THAP4: variants seen among roughly 807,000 people sequenced by gnomAD.
THAP4 encodes THAP domain containing 4.
A neutral mutation model predicts 48.1 loss-of-function variants in THAP4; 18 were observed. The observed-to-expected ratio is 0.37, with a 90% CI of 0.26 to 0.56. The LOEUF is 0.56. Among genes scored for constraint, THAP4 ranks in the 20% least tolerant of loss-of-function variants. The pLI is 0.78. For missense variants in THAP4, 656 were observed against 774.9 expected (o/e 0.85, Z 1.82); for synonymous variants, 345 against 324.9 (o/e 1.06, Z -0.66).
In THAP4 at chr2:241,636,944, TG is replaced by T; in HGVS notation, c.73del (p.His25ThrfsTer5). 1.6e-6 allele frequency: 2 copies of T among 1,287,378 alleles called. No individual in the cohort carries two copies. Among genetic ancestry groups the T allele is most frequent in the South Asian group, 1.3e-5 (1 of 76,602 alleles). The allele number at this position is 1,287,378 out of a possible 1,614,324, so 79.7% of individuals were successfully genotyped here. On this transcript the variant is annotated frameshift_variant, in exon 1 of 6. Coordinates refer to ENST00000407315, the MANE Select transcript of THAP4 (RefSeq NM_015963.6). LOFTEE classifies it high-confidence loss of function. ...TGGCGGCCCGGGGCCCGCGTACCTG[TG>T]GAAGGAGACGGCGCGCTTCTCGCCC... ...GKGEKRAVSF[H>X]RFPLKDSKRL...
chr2:241,632,644 G>A (rs576922187), intron 2 of THAP4, among the ~76,000 whole-genome samples: 5 of 152,186 alleles, frequency 3.3e-5, no homozygotes, highest in African/African-American at 1.2e-4. Context: ...CCACGGAGGC[G>A]TTCAGGCACT....
chr2:241,586,732 T>C (rs1363352308), intron 5 of THAP4, among the ~76,000 whole-genome samples: 19 of 151,790 alleles, frequency 1.3e-4, no homozygotes, highest in Admixed American at 1.2e-3. Context: ...AATAATGAAA[T>C]AGACAAATTA....
rs1382198048 is a variant in THAP4, at chr2:241,620,988, AGAGT to A, written c.1240+11925_1240+11928del. Among the ~76,000 whole-genome samples the A allele has an allele frequency of 6.6e-5, 10 of 152,148 alleles. No homozygotes were observed. In the East Asian group the frequency reaches 1.7e-3, roughly 26 times the overall value. On this transcript the variant is annotated intron_variant, in intron 2 of 5. Coordinates refer to ENST00000407315, the MANE Select transcript of THAP4 (RefSeq NM_015963.6). ...GGCAAAAAAAAAAATCTGAAGAGAGAGAGTGAGCATCAGAACCAGACTCAGGTAC... is the reference window on the plus strand; with the variant it reads ...GGCAAAAAAAAAAATCTGAAGAGAGAGAGCATCAGAACCAGACTCAGGTAC...
In THAP4 at chr2:241,621,780, G is replaced by A. The variant is rs546264677; in HGVS notation, c.1240+11137C>T. Among the ~76,000 whole-genome samples, 7 of 151,998 alleles carry A rather than the reference G, an allele frequency of 4.6e-5. No homozygotes were observed. The South Asian group carries it at 6.3e-4, about 14-fold the overall frequency. ...ACCAAACCACAGATCCAGGAAGCTC[G>A]GAAAACATCAAGCAAGATAAATACC... is the stretch of plus-strand genomic sequence containing the variant. On this transcript the variant is annotated intron_variant, in intron 2 of 5. Coordinates refer to ENST00000407315, the MANE Select transcript of THAP4 (RefSeq NM_015963.6).
chr2:241,589,212 C>CAAA lies in THAP4; in HGVS notation c.1615-4490_1615-4488dup, dbSNP rs765239066. Among the ~76,000 whole-genome samples the CAAA allele has an allele frequency of 7.0e-3, 771 of 110,698 alleles. 12 individuals are homozygous for CAAA. The highest frequency in any genetic ancestry group is 0.027 in the African/African-American group (725 of 26,638). The allele number at this position is 110,698 out of a possible 152,430, so 72.6% of individuals were successfully genotyped here. On this transcript the variant is annotated intron_variant, in intron 5 of 5. Coordinates refer to ENST00000407315, the MANE Select transcript of THAP4 (RefSeq NM_015963.6). ...TGGGCAACGAGAGCAAACAATGTCTCAAAAAAAAAAAAGAAAAAGAAAAGA... is the reference window on the plus strand; with the variant it reads ...TGGGCAACGAGAGCAAACAATGTCTCAAAAAAAAAAAAAAAGAAAAAGAAAAGA...
At chr2:241,590,536 G>A (rs1167423931) in intron 5 of THAP4, among the ~76,000 whole-genome samples, 1 of 136,000 alleles carries the variant, frequency 7.4e-6, no homozygotes. Flanking sequence ...CTCGGCTGAT[G>A]ATGGGCACTA....
chr2:241,592,727 G>C (rs1165356347), intron 5 of THAP4, among the ~76,000 whole-genome samples: 1 of 152,196 alleles, frequency 6.6e-6, no homozygotes, highest in East Asian at 1.9e-4. Flanking sequence ...CAGAGCGAGG[G>C]GGAAAAACCG....
chr2:241,595,146 G>T (rs2125071059), intron 5 of THAP4, among the ~76,000 whole-genome samples: 1 of 152,142 alleles, frequency 6.6e-6, no homozygotes, highest in South Asian at 2.1e-4. Flanking sequence ...CTCAGTAGCT[G>T]GGATTACAGG....
Position 241,633,773 on chromosome 2 carries a change from T to A in THAP4, c.384A>T (p.Ser128=). ...AATSRGAAGW[S]PSSSGNPMAK... ...CCATCGGGTTTCCACTCGAGGACGGTGACCAACCTGCAGCTCCTCTGCTGG... is the reference window on the plus strand; with the variant it reads ...CCATCGGGTTTCCACTCGAGGACGGAGACCAACCTGCAGCTCCTCTGCTGG... The change falls in exon 2 of 6, where the codon TCA becomes TCT. Residue 128 remains serine (S), a synonymous_variant. Transcript: ENST00000407315. This position sits in a 1 kb window ranked among gnomAD's most constrained non-coding sequence, Gnocchi z 7.5. 6.2e-7 allele frequency: 1 copy of A among 1,613,478 alleles called. No individual in the cohort carries two copies. Among genetic ancestry groups the A allele is most frequent in the Non-Finnish European group, 8.5e-7 (1 of 1,179,542 alleles).
intron 1 of THAP4, 45 bp from the exon 2 acceptor site, chr2:241,634,124 T>C: frequency 7.1e-7 from 1 of 1,414,550 alleles, no homozygotes; most frequent in African/African-American, 1.4e-5. Context: ...ATTAAATGTC[T>C]CCCCTTAAAA....
At chr2:241,637,283 AGGCGGGCAGACGGGCGGGGGAGTCGCCCC>A (rs2067689843), upstream of THAP4, 6 of 1,111,782 alleles carry the variant, frequency 5.4e-6, no homozygotes, top group Admixed American at 5.4e-5. Flanking sequence ...GTCCGTCGGC[AGGCGGGCAGACGGGCGGGGGAGTCGCCCC>A]GGCGGGGCAA....
intron 2 of THAP4, among the ~76,000 whole-genome samples, chr2:241,621,899 A>G (rs1003330549): frequency 2.6e-5 from 4 of 152,210 alleles, no homozygotes; most frequent in South Asian, 2.1e-4. Context: ...TGTAGAGCAG[A>G]AAGAATAAGA....
chr2:241,588,148 C>T (rs749005159), intron 5 of THAP4, among the ~76,000 whole-genome samples: 2 of 151,876 alleles, frequency 1.3e-5, no homozygotes, highest in African/African-American at 4.8e-5. Context: ...GCTAATTGTA[C>T]TTCTATATAC....
At chr2:241,632,696 C>CCCT (rs2067581282) in intron 2 of THAP4, among the ~76,000 whole-genome samples, 1 of 152,346 alleles carries the variant, frequency 6.6e-6, no homozygotes, top group East Asian at 1.9e-4. Context: ...CGGCCTACAT[C>CCCT]CCTACACACA....
Position 241,634,079 on chromosome 2 carries a change from C to A in THAP4, c.78G>T (p.Arg26Ser). The A allele has an allele frequency of 6.5e-7, 1 of 1,537,972 alleles. No individual in the cohort carries two copies. The highest frequency in any genetic ancestry group is 8.8e-7 in the Non-Finnish European group (1 of 1,142,446). ...KGEKRAVSFH[R>S]FPLKDSKRLI... Reference sequence around the variant, plus strand: ...GACGTTTTGAGTCCTTTAGGGGGAACCTACAGGACAAATGACAAAAAGTAA... The same window carrying A: ...GACGTTTTGAGTCCTTTAGGGGGAAACTACAGGACAAATGACAAAAAGTAA... Residue 26 changes from arginine to serine, a missense_variant and splice_region_variant, in exon 2 of 6, where the codon AGG becomes AGT. By Grantham distance (110) the Arg-to-Ser change is moderately radical. This residue lies in a region of THAP4 where 59 missense variants were observed against 45.8 expected (regional missense o/e 1.29). Transcript: ENST00000407315.
chr2:241,590,893 C>T, intron 5 of THAP4, among the ~76,000 whole-genome samples: 1 of 142,380 alleles, frequency 7.0e-6, no homozygotes, highest in East Asian at 2.0e-4. Context: ...CGATGATGGG[C>T]ACTAGGACAC....
chr2:241,614,673 G>A (rs1250817683), intron 2 of THAP4, among the ~76,000 whole-genome samples: 2 of 152,064 alleles, frequency 1.3e-5, no homozygotes, highest in Non-Finnish European at 2.9e-5. Flanking sequence ...ATCACCTGAG[G>A]TCAGGAGTTC....
chr2:241,598,573 A>T (rs1474457484), intron 5 of THAP4, among the ~76,000 whole-genome samples: 2 of 152,194 alleles, frequency 1.3e-5, no homozygotes, highest in African/African-American at 4.8e-5. Context: ...GTTCCATCTT[A>T]GATCATTAGG....
intron 2 of THAP4, among the ~76,000 whole-genome samples, chr2:241,619,917 G>GT (rs1216690340): frequency 1.8e-5 from 2 of 111,128 alleles, no homozygotes; most frequent in Admixed American, 8.4e-5. Flanking sequence ...GGGTGAATGA[G>GT]GGGTGAGTGA....
Sources: gnomAD v4.1 joint callset for allele counts (sites outside exome capture counted in the v4.1 genomes callset) on GRCh38, gnomAD v4.1.1 for gene constraint, gnomAD v4.1.1 regional missense constraint, Gnocchi (gnomAD v3.1) non-coding constraint, MANE v1.5 for transcripts, NCBI Gene and HGNC (gene_info 2026-07-23, HGNC 2026-07-21) for gene names.